CLEC12B: variants seen among roughly 807,000 people sequenced by gnomAD.
CLEC12B encodes C-type lectin domain family 12 member B, also known as macrophage antigen h.
Under a neutral mutation model 36.1 loss-of-function variants are expected in CLEC12B, and 25 were observed. The ratio of observed to expected loss-of-function variants is 0.69; its 90% CI spans 0.50 to 0.97. The LOEUF (loss-of-function observed/expected upper bound fraction) is 0.97, where lower values mean the gene tolerates loss of function less well. Ranked by LOEUF, CLEC12B falls within the 50% of genes least tolerant of loss-of-function variation. CLEC12B has a pLI of 0.00. For missense variants in CLEC12B, 325 were observed against 318.4 expected (o/e 1.02, Z -0.16); for synonymous variants, 110 against 108.5 (o/e 1.01, Z -0.09).
intron 1 of CLEC12B, among the ~76,000 whole-genome samples, chr12:10,012,038 CAAT>C (rs1444902954): frequency 3.9e-5 from 6 of 152,282 alleles, no homozygotes; most frequent in South Asian, 4.1e-4. Flanking sequence ...TAAACAACAA[CAAT>C]GACTAGGATG....
rs545110070 is a variant in CLEC12B at position 10,017,425 on chromosome 12, C to T, written c.681-906C>T. Reference sequence around the variant, plus strand: ...TTCATGTTGGAATCTAAGATGTGTCCCTTCTCCCAAAGGGATTTTAATCAT... The same window carrying T: ...TTCATGTTGGAATCTAAGATGTGTCTCTTCTCCCAAAGGGATTTTAATCAT... On this transcript the variant is annotated intron_variant, in intron 5 of 5. Coordinates refer to ENST00000338896, the MANE Select transcript of CLEC12B (RefSeq NM_001129998.3). The T allele has an allele frequency of 1.3e-5, 13 of 985,252 alleles. No individual in the cohort carries two copies. The African/African-American group carries it at 1.9e-4, about 15-fold the overall frequency. 61.0% of individuals were successfully genotyped at this position (985,252 alleles called of 1,614,324 possible). A position where few individuals can be genotyped will look rare whatever the true frequency, so the allele number is the denominator to read the frequency against.
At position 10,014,564 on chromosome 12, in the gene CLEC12B, T is replaced by C. The variant is rs1050108053; in HGVS notation, c.232T>C (p.Leu78=). 8 of 1,613,572 alleles carry C rather than the reference T, an allele frequency of 5.0e-6. No homozygotes were observed. Among genetic ancestry groups the C allele is most frequent in the African/African-American group, 2.7e-5 (2 of 74,892 alleles). ...SNDINSDSEK[L]SQLQKTIQQQ... is the part of the protein sequence containing the mutation. ...TGACATTAACTCAGATTCAGAGAAA[T>C]TGAGTCAACTTCAGAAAACCATCCA... Residue 78 remains leucine (L), a synonymous_variant, in exon 3 of 6, where the codon TTG becomes CTG. Transcript: ENST00000338896.
chr12:10,010,919 A>G, intron 1 of CLEC12B, 69 bp downstream of exon 1: 1 of 971,048 alleles, frequency 1.0e-6, no homozygotes. Flanking sequence ...TTGAGGTGCC[A>G]GCTTTAATAC....
chr12:10,006,486 G>T (rs866804861), upstream of CLEC12B, among the ~76,000 whole-genome samples: 3 of 146,144 alleles, frequency 2.1e-5, no homozygotes, highest in Non-Finnish European at 3.0e-5. Flanking sequence ...AGAAGACCAA[G>T]AATTGAACTC....
intron 1 of CLEC12B, among the ~76,000 whole-genome samples, chr12:10,011,073 A>T (rs1865316479): frequency 6.6e-6 from 1 of 152,210 alleles, no homozygotes; most frequent in Non-Finnish European, 1.5e-5. Flanking sequence ...TCACACAGTC[A>T]GAGAAATTCT....
At chr12:10,017,460 C>T in intron 5 of CLEC12B, 1 of 985,380 alleles carries the variant, frequency 1.0e-6, no homozygotes. Context: ...TTCTTGGCCT[C>T]TCTACTCACT....
intron 5 of CLEC12B, chr12:10,017,978 T>C: frequency 2.1e-6 from 2 of 947,174 alleles, no homozygotes; most frequent in Non-Finnish European, 2.5e-6. Flanking sequence ...ATGTTTTTCT[T>C]CATAAGGTCC....
rs1364875593 is a variant in CLEC12B, at chr12:10,014,517, T to C, written c.191-6T>C. On this transcript the variant is annotated splice_polypyrimidine_tract_variant and splice_region_variant and intron_variant, in intron 2 of 5. Coordinates refer to ENST00000338896, the MANE Select transcript of CLEC12B (RefSeq NM_001129998.3). ...ATATGAACTTGTCTCCTGTCATGTCTTGGAGTTTTGCAGATATCTAATGAC... is the reference window on the plus strand; with the variant it reads ...ATATGAACTTGTCTCCTGTCATGTCCTGGAGTTTTGCAGATATCTAATGAC... 2 of 1,603,396 alleles carry C rather than the reference T, an allele frequency of 1.2e-6. No homozygotes were observed.
intron 5 of CLEC12B, chr12:10,017,509 G>A (rs1306954892): frequency 1.0e-6 from 1 of 985,032 alleles, no homozygotes; most frequent in Non-Finnish European, 1.2e-6. Flanking sequence ...CCACAGCAGG[G>A]TTTGGAACCT....
chr12:10,015,874 G>C, intron 5 of CLEC12B, 147 bp downstream of exon 5: 1 of 1,459,260 alleles, frequency 6.9e-7, no homozygotes, highest in Non-Finnish European at 9.0e-7. Flanking sequence ...ATTGAAAGGA[G>C]GTATAGTTCA....
At chr12:10,014,108 A>G (rs1376295945) in intron 2 of CLEC12B, among the ~76,000 whole-genome samples, 2 of 152,174 alleles carry the variant, frequency 1.3e-5, no homozygotes, top group East Asian at 3.8e-4. Context: ...TTCTTTTGGT[A>G]AACAAGCATC....
chr12:10,011,439 T>A (rs1865325289), intron 1 of CLEC12B, among the ~76,000 whole-genome samples: 1 of 152,184 alleles, frequency 6.6e-6, no homozygotes, highest in Non-Finnish European at 1.5e-5. Context: ...ATAATTGTAA[T>A]GAAAATCCAC....
chr12:10,007,516 A>G (rs1865244840), upstream of CLEC12B, among the ~76,000 whole-genome samples: 1 of 152,134 alleles, frequency 6.6e-6, no homozygotes. Flanking sequence ...TTCTTTCTGA[A>G]TTTCTTTTTT....
chr12:10,017,971 T>C, intron 5 of CLEC12B: 1 of 950,440 alleles, frequency 1.1e-6, no homozygotes, highest in Non-Finnish European at 1.3e-6. Flanking sequence ...TATTTTTATG[T>C]TTTTCTTCAT....
At chr12:10,008,937 C>T (rs1300724476), upstream of CLEC12B, among the ~76,000 whole-genome samples, 1 of 152,144 alleles carries the variant, frequency 6.6e-6, no homozygotes, top group Non-Finnish European at 1.5e-5. Context: ...AGTGGGGACT[C>T]AGGGAACTTT....
chr12:10,006,457 G>GTTTT (rs139343460), upstream of CLEC12B, among the ~76,000 whole-genome samples: 2,625 of 148,942 alleles, frequency 0.018, 35 homozygotes, highest in African/African-American at 0.038. Context: ...TCCAGGATAA[G>GTTTT]TTTTTTGTTT....
At position 10,017,166 on chromosome 12, in the gene CLEC12B, C is replaced by A. The variant is rs187914497; in HGVS notation, c.681-1165C>A. 8.1e-6 allele frequency: 8 copies of A among 985,188 alleles called. No individual in the cohort carries two copies. The Admixed American group carries it at 4.9e-4, about 61-fold the overall frequency. The allele number at this position is 985,188 out of a possible 1,614,324, so 61.0% of individuals were successfully genotyped here. A position where few individuals can be genotyped will look rare whatever the true frequency, so the allele number is the denominator to read the frequency against. ...TGGCTATTTCTACTCAAACACTAAT[C>A]CCCCATTCTCTAATCACCATTATTA... On this transcript the variant is annotated intron_variant, in intron 5 of 5. Transcript: ENST00000338896.
At chr12:10,015,476 T>C (rs1474056545) in intron 4 of CLEC12B, 70 bp downstream of exon 4, 3 of 1,558,388 alleles carry the variant, frequency 1.9e-6, no homozygotes, top group Non-Finnish European at 2.6e-6. Flanking sequence ...ATAAAACATC[T>C]GATTCACATG....
At chr12:10,007,599 T>G (rs1865246225), upstream of CLEC12B, among the ~76,000 whole-genome samples, 1 of 152,180 alleles carries the variant, frequency 6.6e-6, no homozygotes. Context: ...GAAAGAAATT[T>G]GAGAGTCTGA....
Sources: allele counts gnomAD v4.1 joint callset (sites outside exome capture counted in the v4.1 genomes callset), GRCh38; gene constraint gnomAD v4.1.1; transcripts MANE v1.5; gene names NCBI Gene and HGNC (gene_info 2026-07-23, HGNC 2026-07-21).